TNFSF13B: variants seen among roughly 807,000 people sequenced by gnomAD.
The protein encoded by TNFSF13B is tumor necrosis factor ligand superfamily member 13B.
TNFSF13B carries 8 observed loss-of-function variants against 29.1 expected under a neutral mutation model. The observed-to-expected ratio is 0.27, with a 90% CI of 0.16 to 0.50. TNFSF13B has a LOEUF of 0.50. Among genes scored for constraint, TNFSF13B ranks in the 20% least tolerant of loss-of-function variants. The pLI is 0.98. For missense variants in TNFSF13B, 248 were observed against 334.9 expected, an observed-to-expected ratio of 0.74 and a Z score of 2.03; for synonymous variants, 125 against 130.8, an observed-to-expected ratio of 0.96 and a Z score of 0.30.
intron 3 of TNFSF13B, among the ~76,000 whole-genome samples, chr13:108,289,299 G>T (rs1881236544): frequency 6.6e-6 from 1 of 152,032 alleles, no homozygotes; most frequent in Non-Finnish European, 1.5e-5. Flanking sequence ...CTGAACTGGG[G>T]TGATTACCTG....
intron 3 of TNFSF13B, among the ~76,000 whole-genome samples, chr13:108,301,816 C>A (rs549409908): frequency 6.6e-6 from 1 of 151,982 alleles, no homozygotes; most frequent in Non-Finnish European, 1.5e-5. Context: ...GACAACTGTA[C>A]GAGGTAACAT....
At chr13:108,296,622 T>A (rs1224091229) in intron 3 of TNFSF13B, among the ~76,000 whole-genome samples, 2 of 146,128 alleles carry the variant, frequency 1.4e-5, no homozygotes, top group East Asian at 1.9e-4. Flanking sequence ...TTAAAGTGAT[T>A]ACTGATAAGG....
At chr13:108,273,266 A>T (rs920110328) in intron 2 of TNFSF13B, among the ~76,000 whole-genome samples, 1 of 152,122 alleles carries the variant, frequency 6.6e-6, no homozygotes, top group African/African-American at 2.4e-5. Flanking sequence ...TTGGAAAATT[A>T]TCTGTAGATT....
intron 3 of TNFSF13B, among the ~76,000 whole-genome samples, chr13:108,292,524 CTGCAACATTT>C (rs1881348165): frequency 6.6e-6 from 1 of 152,090 alleles, no homozygotes; most frequent in African/African-American, 2.4e-5. Context: ...CTCTACAGTG[CTGCAACATTT>C]TGCCTTCCCC....
At chr13:108,279,534 C>G (rs1341914707) in intron 2 of TNFSF13B, among the ~76,000 whole-genome samples, 1 of 152,128 alleles carries the variant, frequency 6.6e-6, no homozygotes, top group African/African-American at 2.4e-5. Flanking sequence ...TTAAGTACAA[C>G]TGGGTTTGGG....
chr13:108,292,254 C>A (rs142237664), intron 3 of TNFSF13B, among the ~76,000 whole-genome samples: 121 of 152,204 alleles, frequency 7.9e-4, no homozygotes, highest in African/African-American at 2.6e-3. Context: ...TGGCTTCTTT[C>A]ACTTAGCATG....
intron 2 of TNFSF13B, among the ~76,000 whole-genome samples, chr13:108,281,174 G>A (rs542713312): frequency 4.2e-4 from 64 of 152,182 alleles, no homozygotes; most frequent in African/African-American, 1.4e-3. Context: ...CTGGGAGGCC[G>A]AGTTTGCAAT....
chr13:108,307,641 CAT>C lies in TNFSF13B; in HGVS notation c.*704_*705del, dbSNP rs1881817577. The C allele has an allele frequency of 6.6e-6, 1 of 151,810 alleles. No individual in the cohort carries two copies. Among genetic ancestry groups the C allele is most frequent in the Admixed American group, 6.6e-5 (1 of 15,222 alleles). 9.4% of individuals were successfully genotyped at this position (151,810 alleles called of 1,614,324 possible). On this transcript the variant is annotated 3_prime_UTR_variant, in exon 6 of 6. Transcript: ENST00000375887. ...GAGAATATCCTCATTTGTTTATGCTCATGTGTATTTTCTATAGTGAATTTCAG... is the reference window on the plus strand; with the variant it reads ...GAGAATATCCTCATTTGTTTATGCTCGTGTATTTTCTATAGTGAATTTCAG...
chr13:108,283,030 T>G (rs117266461), intron 2 of TNFSF13B, among the ~76,000 whole-genome samples: 13 of 152,366 alleles, frequency 8.5e-5, no homozygotes, highest in Non-Finnish European at 1.5e-4. Context: ...TGTGGTTAGA[T>G]ATCTGTGTTA....
At chr13:108,290,230 T>C (rs898450851) in intron 3 of TNFSF13B, among the ~76,000 whole-genome samples, 2 of 152,094 alleles carry the variant, frequency 1.3e-5, no homozygotes, top group Non-Finnish European at 2.9e-5. Flanking sequence ...GATCCTCATA[T>C]GAAAAAAAAA....
At chr13:108,305,286 G>A (rs1461667338) in intron 5 of TNFSF13B, among the ~76,000 whole-genome samples, 1 of 152,070 alleles carries the variant, frequency 6.6e-6, no homozygotes, top group African/African-American at 2.4e-5. Context: ...AACCTGAAAA[G>A]ATGTAAATGG....
intron 2 of TNFSF13B, among the ~76,000 whole-genome samples, chr13:108,276,843 T>C (rs1194055271): frequency 1.3e-5 from 2 of 152,198 alleles, no homozygotes; most frequent in African/African-American, 2.4e-5. Flanking sequence ...TTGTTTTTAT[T>C]AGTAATTCCA....
intron 3 of TNFSF13B, among the ~76,000 whole-genome samples, chr13:108,290,347 T>C (rs928632662): frequency 5.9e-5 from 9 of 152,166 alleles, no homozygotes; most frequent in African/African-American, 2.2e-4. Flanking sequence ...AAAATAATTG[T>C]GTGCATCCGT....
intron 3 of TNFSF13B, among the ~76,000 whole-genome samples, chr13:108,300,841 A>G (rs1303149850): frequency 6.6e-6 from 1 of 152,216 alleles, no homozygotes; most frequent in Non-Finnish European, 1.5e-5. Flanking sequence ...GCCGACAAGA[A>G]CATGTGCTGA....
At chr13:108,294,680 T>C in intron 3 of TNFSF13B, among the ~76,000 whole-genome samples, 1 of 109,460 alleles carries the variant, frequency 9.1e-6, no homozygotes, top group East Asian at 2.0e-4. Flanking sequence ...TGTAGTTTTT[T>C]GTGGTGTCTT....
chr13:108,270,118 G>T lies in TNFSF13B; in HGVS notation c.223G>T (p.Asp75Tyr). Residue 75 changes from aspartate (D) to tyrosine (Y), a missense_variant, in exon 1 of 6, where the codon GAC becomes TAC. Asp to Tyr is a radical substitution (Grantham distance 160). Transcript: ENST00000375887. ...SFYQVAALQG[D>Y]LASLRAELQG... ...CTACCAGGTGGCCGCCCTGCAAGGG[G>T]ACCTGGCCAGCCTCCGGGCAGAGCT... 6.2e-7 allele frequency: 1 copy of T among 1,602,694 alleles called. No homozygotes were observed. Among genetic ancestry groups the T allele is most frequent in the Non-Finnish European group, 8.5e-7 (1 of 1,179,924 alleles).
At chr13:108,306,150 T>G (rs1881770182) in intron 5 of TNFSF13B, among the ~76,000 whole-genome samples, 1 of 152,108 alleles carries the variant, frequency 6.6e-6, no homozygotes, top group Non-Finnish European at 1.5e-5. Flanking sequence ...CCTTGTAAAT[T>G]AGTTGCACAC....
intron 2 of TNFSF13B, among the ~76,000 whole-genome samples, chr13:108,284,363 TAAACAAACAAAC>T (rs59679258): frequency 2.2e-5 from 2 of 89,618 alleles, no homozygotes; most frequent in Admixed American, 1.7e-4. Context: ...AATGAATAAA[TAAACAAACAAAC>T]AAACAAACAA....
chr13:108,287,797 T>G (rs1881187830), intron 3 of TNFSF13B, among the ~76,000 whole-genome samples: 1 of 152,214 alleles, frequency 6.6e-6, no homozygotes, highest in South Asian at 2.1e-4. Flanking sequence ...CATTTTTCAG[T>G]TATTTGAAGC....
Sources: gnomAD v4.1 joint callset for allele counts (sites outside exome capture counted in the v4.1 genomes callset) on GRCh38, gnomAD v4.1.1 for gene constraint, MANE v1.5 for transcripts, NCBI Gene and HGNC (gene_info 2026-07-23, HGNC 2026-07-21) for gene names.